The following C10orf67 variants were observed in gnomAD, a reference collection of about 807,000 sequenced individuals.
The protein encoded by C10orf67 is chromosome 10 open reading frame 67.
Under a neutral mutation model 35.6 loss-of-function variants are expected in C10orf67, and 60 were observed. The observed-to-expected ratio is 1.68, with a 90% CI of 1.37 to 2.09. C10orf67 has a LOEUF of 2.09. Among genes scored for constraint, C10orf67 ranks in the 30% most tolerant of loss-of-function variants. C10orf67 has a pLI of 0.00. For missense variants in C10orf67, 474 were observed against 330.2 expected, an observed-to-expected ratio of 1.44 and a Z score of -3.38; for synonymous variants, 167 against 115.8, an observed-to-expected ratio of 1.44 and a Z score of -2.84.
chr10:23,325,960 A>G (rs936162111), intron 2 of C10orf67, among the ~76,000 whole-genome samples: 1 of 152,176 alleles, frequency 6.6e-6, no homozygotes, highest in African/African-American at 2.4e-5. Context: ...GATGGCAGAA[A>G]AAAACTGTGA....
intron 2 of C10orf67, among the ~76,000 whole-genome samples, chr10:23,323,372 C>T (rs1159168580): frequency 6.6e-6 from 1 of 152,046 alleles, no homozygotes; most frequent in Admixed American, 6.5e-5. Context: ...AATCCCAAAA[C>T]TTTGGGAGGG....
At chr10:23,319,822 T>C (rs1360629893) in intron 4 of C10orf67, among the ~76,000 whole-genome samples, 1 of 152,192 alleles carries the variant, frequency 6.6e-6, no homozygotes, top group East Asian at 1.9e-4. Flanking sequence ...TGACTTTGCC[T>C]ATGTCTGTGC....
At chr10:23,281,110 C>A (rs1399464792) in intron 8 of C10orf67, among the ~76,000 whole-genome samples, 2 of 152,130 alleles carry the variant, frequency 1.3e-5, no homozygotes, top group Non-Finnish European at 2.9e-5. Context: ...GAATCGCCAA[C>A]CATAAATTTT....
intron 10 of C10orf67, among the ~76,000 whole-genome samples, chr10:23,254,603 G>A (rs1360293704): frequency 2.0e-5 from 3 of 152,076 alleles, no homozygotes; most frequent in East Asian, 3.9e-4. Context: ...AAGAAATAAA[G>A]GTTCATTTAT....
chr10:23,325,374 C>G (rs1823121455), intron 2 of C10orf67, among the ~76,000 whole-genome samples: 1 of 151,432 alleles, frequency 6.6e-6, no homozygotes, highest in Non-Finnish European at 1.5e-5. Flanking sequence ...TGAAACCTAC[C>G]TCTGAACAAA....
rs749698075 is a variant in C10orf67, at chr10:23,239,563, G to A, written c.1434+166C>T. Among the ~76,000 whole-genome samples, 7 of 152,250 alleles carry A rather than the reference G, an allele frequency of 4.6e-5. No homozygotes were observed. The Middle Eastern group carries it at 0.014, about 296-fold the overall frequency. On this transcript the variant is annotated intron_variant, in intron 13 of 15. Coordinates refer to ENST00000636213, the MANE Select transcript of C10orf67 (RefSeq NM_001371909.1). ...CTCTCACACTGGACTGAGCTCTTTG[G>A]GTTCAGGCACTTTGTCTTAACACCC... is the stretch of plus-strand genomic sequence containing the variant.
At chr10:23,319,632 T>A (rs1844866819) in intron 4 of C10orf67, among the ~76,000 whole-genome samples, 1 of 152,242 alleles carries the variant, frequency 6.6e-6, no homozygotes, top group South Asian at 2.1e-4. Flanking sequence ...CAGCAGTGTA[T>A]AAGCAAGTGT....
intron 4 of C10orf67, among the ~76,000 whole-genome samples, chr10:23,314,798 C>G (rs1844636301): frequency 6.6e-6 from 1 of 152,124 alleles, no homozygotes; most frequent in African/African-American, 2.4e-5. Context: ...TCTCACATAG[C>G]CAACAGAGAG....
Position 23,303,450 on chromosome 10 carries a change from C to A in C10orf67, c.556G>T (p.Glu186Ter). ...AAAGAAACATTCTCTTCTTCTACCT[C>A]AAAGAATTGCTAGGGACAAAAAAAA... ...VIKGMYQQFFEVEEENVSLQD... is the reference protein window; with the variant it reads ...VIKGMYQQFF The change falls in exon 5 of 16, where the codon GAG becomes TAG. Residue 186 changes from glutamate (E) to a stop codon, truncating the protein, a stop_gained. Transcript: ENST00000636213. LOFTEE classifies it high-confidence loss of function. 1 of 561,804 alleles carries A rather than the reference C, an allele frequency of 1.8e-6. No homozygotes were observed. Among genetic ancestry groups the A allele is most frequent in the Non-Finnish European group, 3.2e-6 (1 of 311,876 alleles). 34.8% of individuals were successfully genotyped at this position (561,804 alleles called of 1,614,324 possible).
Position 23,203,277 on chromosome 10 carries a change from G to A in C10orf67, c.*896C>T, listed in dbSNP as rs1232705524. 3 of 152,180 alleles carry A rather than the reference G, an allele frequency of 2.0e-5. No individual in the cohort carries two copies. Among genetic ancestry groups the A allele is most frequent in the Non-Finnish European group, 2.9e-5 (2 of 68,042 alleles). 9.4% of individuals were successfully genotyped at this position (152,180 alleles called of 1,614,324 possible). On this transcript the variant is annotated 3_prime_UTR_variant, in exon 16 of 16. Transcript: ENST00000636213. ...GCGCTATACCATCCCATGTACTTGCGTTGAAAAGAACACGTCTCTCTCCAA... is the reference window on the plus strand; with the variant it reads ...GCGCTATACCATCCCATGTACTTGCATTGAAAAGAACACGTCTCTCTCCAA...
At chr10:23,236,563 C>T (rs1248768268) in intron 13 of C10orf67, among the ~76,000 whole-genome samples, 1 of 152,106 alleles carries the variant, frequency 6.6e-6, no homozygotes, top group Non-Finnish European at 1.5e-5. Flanking sequence ...CTTTGGAGTA[C>T]TGGCAATTTT....
At chr10:23,222,835 T>C (rs1375612433) in intron 15 of C10orf67, among the ~76,000 whole-genome samples, 1 of 152,134 alleles carries the variant, frequency 6.6e-6, no homozygotes, top group Admixed American at 6.5e-5. Flanking sequence ...ACTCACCTGT[T>C]GTCCCAGCTA....
At chr10:23,277,176 C>T (rs10764398) in intron 8 of C10orf67, among the ~76,000 whole-genome samples, 21,335 of 152,018 alleles carry the variant, frequency 0.14, 2,940 homozygotes, top group East Asian at 0.71. Flanking sequence ...TCAGAAGCTA[C>T]GTGATATTTA....
intron 15 of C10orf67, among the ~76,000 whole-genome samples, chr10:23,211,676 T>C (rs922488240): frequency 1.3e-5 from 2 of 152,170 alleles, no homozygotes; most frequent in Non-Finnish European, 2.9e-5. Context: ...ACTGCAGTTG[T>C]TTACAAAGGT....
At chr10:23,298,628 T>C (rs948524200) in intron 5 of C10orf67, among the ~76,000 whole-genome samples, 3 of 152,222 alleles carry the variant, frequency 2.0e-5, no homozygotes, top group Non-Finnish European at 2.9e-5. Flanking sequence ...TCTTAGTTGC[T>C]TCAGGGTTTT....
intron 13 of C10orf67, among the ~76,000 whole-genome samples, chr10:23,230,334 T>C (rs895136409): frequency 6.6e-6 from 1 of 152,024 alleles, no homozygotes; most frequent in Non-Finnish European, 1.5e-5. Context: ...TTTGTAAATA[T>C]GAAAAGCAAA....
chr10:23,310,555 C>T (rs1844459210), intron 4 of C10orf67, among the ~76,000 whole-genome samples: 2 of 152,156 alleles, frequency 1.3e-5, no homozygotes, highest in South Asian at 4.1e-4. Flanking sequence ...GCCTCACTGG[C>T]TTCTGTCCTA....
intron 12 of C10orf67, among the ~76,000 whole-genome samples, chr10:23,245,750 T>C (rs1489643115): frequency 6.6e-6 from 1 of 152,222 alleles, no homozygotes; most frequent in Non-Finnish European, 1.5e-5. Context: ...TGCACACTGT[T>C]GATGGGAATG....
chr10:23,275,177 T>G (rs1241155637), intron 8 of C10orf67, among the ~76,000 whole-genome samples: 1 of 152,108 alleles, frequency 6.6e-6, no homozygotes, highest in Admixed American at 6.5e-5. Context: ...CAGGGGTACT[T>G]CCTATTCACT....
Sources: gnomAD v4.1 joint callset for allele counts (sites outside exome capture counted in the v4.1 genomes callset) on GRCh38, gnomAD v4.1.1 for gene constraint, MANE v1.5 for transcripts, NCBI Gene and HGNC (gene_info 2026-07-23, HGNC 2026-07-21) for gene names.